The following PKHD1 variants were observed in gnomAD, a reference collection of about 807,000 sequenced individuals.
PKHD1 encodes the protein fibrocystin.
PKHD1 carries 291 observed loss-of-function variants against 412.0 expected under a neutral mutation model. The ratio of observed to expected loss-of-function variants is 0.71; its 90% CI spans 0.64 to 0.78. PKHD1 has a LOEUF of 0.78. Ranked by LOEUF, PKHD1 falls within the 30% of genes least tolerant of loss-of-function variation. PKHD1 has a pLI of 0.00. For missense variants in PKHD1, 4,825 were observed against 4,950.7 expected (o/e 0.97, Z 0.76); for synonymous variants, 1,777 against 1,821.5 (o/e 0.98, Z 0.62).
chr6:51,925,863 G>T (rs1040179867), intron 37 of PKHD1, among the ~76,000 whole-genome samples: 47 of 151,408 alleles, frequency 3.1e-4, no homozygotes, highest in African/African-American at 1.1e-3. Context: ...TGACTCAAAT[G>T]GGGCGAAAGT....
intron 51 of PKHD1, among the ~76,000 whole-genome samples, chr6:51,835,947 T>C (rs1769128019): frequency 6.6e-6 from 1 of 152,216 alleles, no homozygotes; most frequent in Non-Finnish European, 1.5e-5. Context: ...AGGAGACATT[T>C]AGTTTTTGAG....
intron 59 of PKHD1, among the ~76,000 whole-genome samples, chr6:51,745,750 T>G (rs1785109963): frequency 6.6e-6 from 1 of 152,164 alleles, no homozygotes; most frequent in Non-Finnish European, 1.5e-5. Flanking sequence ...TTATCCAGTC[T>G]GTGGTACTTT....
intron 61 of PKHD1, among the ~76,000 whole-genome samples, chr6:51,650,654 A>C (rs1770795446): frequency 6.6e-6 from 1 of 152,262 alleles, no homozygotes; most frequent in South Asian, 2.1e-4. Context: ...ATCACTAAAT[A>C]TGAAGTTTCC....
intron 35 of PKHD1, among the ~76,000 whole-genome samples, chr6:51,982,875 T>A (rs1308019444): frequency 1.5e-5 from 2 of 137,026 alleles, no homozygotes; most frequent in East Asian, 2.1e-4. Flanking sequence ...TAAAATAAAA[T>A]AAAATAAAAT....
chr6:51,721,096 T>G, intron 60 of PKHD1: 4 of 984,352 alleles, frequency 4.1e-6, no homozygotes, highest in Non-Finnish European at 4.8e-6. Flanking sequence ...CTGTAACTAT[T>G]TCCTCCATCA....
chr6:51,912,646 T>C (rs986804430), intron 37 of PKHD1, 70 bp from the exon 38 acceptor site: 1 of 1,061,666 alleles, frequency 9.4e-7, no homozygotes, highest in Non-Finnish European at 1.5e-6. Flanking sequence ...ATTTAATCAT[T>C]AATAAATGTG....
chr6:51,937,277 T>C (rs1787652177), intron 36 of PKHD1, among the ~76,000 whole-genome samples: 1 of 152,208 alleles, frequency 6.6e-6, no homozygotes, highest in South Asian at 2.1e-4. Flanking sequence ...ATGTACATCT[T>C]ATATGTATTG....
chr6:51,791,006 G>A (rs935164834), intron 53 of PKHD1, among the ~76,000 whole-genome samples: 3 of 152,072 alleles, frequency 2.0e-5, no homozygotes, highest in Non-Finnish European at 4.4e-5. Context: ...AGTAGCAGGC[G>A]GACCAGAAAC....
chr6:51,997,259 A>T (rs1797823498), intron 35 of PKHD1, among the ~76,000 whole-genome samples: 1 of 152,208 alleles, frequency 6.6e-6, no homozygotes, highest in Non-Finnish European at 1.5e-5. Flanking sequence ...AGACATGGAA[A>T]GAGCCATCTC....
intron 55 of PKHD1, among the ~76,000 whole-genome samples, chr6:51,757,525 A>G (rs1005868823): frequency 6.6e-6 from 1 of 152,122 alleles, no homozygotes; most frequent in Non-Finnish European, 1.5e-5. Flanking sequence ...CACTACGGTC[A>G]CTATGCCTTC....
At position 51,658,758 on chromosome 6, in the gene PKHD1, G is replaced by C. The variant is rs189280076; in HGVS notation, c.11174+194C>G. On this transcript the variant is annotated intron_variant, in intron 61 of 66. Transcript: ENST00000371117. ...ACCACCTTGGAAATAGAATAATCAT[G>C]AAAAACATGAATTTAATATAGAATC... 4.2e-4 allele frequency among the ~76,000 whole-genome samples: 64 copies of C among 152,146 alleles called. 1 individual carries two copies. The highest frequency in any genetic ancestry group is 2.8e-4 in the Non-Finnish European group (19 of 67,974).
rs546132469 is a variant in PKHD1, at chr6:51,811,769, A to T, written c.8302+19092T>A. Among the ~76,000 whole-genome samples the T allele has an allele frequency of 3.9e-5, 6 of 152,316 alleles. No individual in the cohort carries two copies. In the South Asian group the frequency reaches 1.0e-3, roughly 26 times the overall value. Reference sequence around the variant, plus strand: ...AAATACTCAATTAATTAATATTTTTAAAGTTATTCATTATATAAATAAATA... The same window carrying T: ...AAATACTCAATTAATTAATATTTTTTAAGTTATTCATTATATAAATAAATA... On this transcript the variant is annotated intron_variant, in intron 52 of 66. Transcript: ENST00000371117.
intron 64 of PKHD1, among the ~76,000 whole-genome samples, 166 bp downstream of exon 64, chr6:51,638,683 T>C (rs974252142): frequency 3.3e-5 from 5 of 151,998 alleles, no homozygotes; most frequent in Non-Finnish European, 7.4e-5. Flanking sequence ...TTTCTACATG[T>C]GCTCTTTCTT....
intron 61 of PKHD1, among the ~76,000 whole-genome samples, chr6:51,656,870 G>A (rs1238566941): frequency 6.6e-6 from 1 of 151,628 alleles, no homozygotes; most frequent in East Asian, 2.0e-4. Flanking sequence ...TGCCTAGGCT[G>A]GTCTCAAACT....
intron 49 of PKHD1, among the ~76,000 whole-genome samples, chr6:51,848,223 G>A (rs1031641476): frequency 1.1e-4 from 16 of 152,126 alleles, no homozygotes; most frequent in African/African-American, 3.1e-4. Flanking sequence ...GGTTCATCTC[G>A]TTTAACAATC....
chr6:51,868,392 G>T lies in PKHD1; in HGVS notation c.7487-283C>A, dbSNP rs976863406. ...GGGCAGTGATTTTTCTATCATGGTT[G>T]ATTTTACCTTCCAAGAGACATGGCA... On this transcript the variant is annotated intron_variant, in intron 47 of 66. Coordinates refer to ENST00000371117, the MANE Select transcript of PKHD1 (RefSeq NM_138694.4). 2.0e-5 allele frequency among the ~76,000 whole-genome samples: 3 copies of T among 152,032 alleles called. No individual in the cohort carries two copies. In the East Asian group the frequency reaches 5.8e-4, roughly 29 times the overall value.
intron 35 of PKHD1, among the ~76,000 whole-genome samples, chr6:51,979,144 C>T (rs999433058): frequency 6.6e-6 from 1 of 152,172 alleles, no homozygotes; most frequent in Non-Finnish European, 1.5e-5. Flanking sequence ...TCATTCTTTT[C>T]TTCTCTATGT....
At chr6:52,085,934 C>T (rs1199160977) in intron 1 of PKHD1, among the ~76,000 whole-genome samples, 1 of 151,878 alleles carries the variant, frequency 6.6e-6, no homozygotes, top group Admixed American at 6.6e-5. Context: ...AAAATAGTGC[C>T]TCTGAAATTT....
chr6:51,666,724 G>A (rs1213940590), intron 60 of PKHD1, among the ~76,000 whole-genome samples: 2 of 128,476 alleles, frequency 1.6e-5, no homozygotes, highest in African/African-American at 6.1e-5. Context: ...TCCCCAGAGT[G>A]CGATGTTCCT....
Sources: allele counts gnomAD v4.1 joint callset (sites outside exome capture counted in the v4.1 genomes callset), GRCh38; gene constraint gnomAD v4.1.1; transcripts MANE v1.5; gene names NCBI Gene and HGNC (gene_info 2026-07-23, HGNC 2026-07-21).